Variants in SGCZ observed in about 807,000 individuals in gnomAD.
SGCZ encodes the protein zeta-sarcoglycan.
SGCZ carries 40 observed loss-of-function variants against 41.3 expected under a neutral mutation model. That is an observed-to-expected ratio of 0.97 (90% confidence interval 0.75 to 1.26). SGCZ has a LOEUF of 1.26. Ranked by LOEUF, SGCZ falls within the 50% of genes most tolerant of loss-of-function variation. The pLI, the probability that SGCZ is intolerant of heterozygous loss-of-function variation, is 0.00. For synonymous variants in SGCZ, 206 were observed against 137.5 expected, an observed-to-expected ratio of 1.50 and a Z score of -3.49; for missense variants, 552 against 369.8, an observed-to-expected ratio of 1.49 and a Z score of -4.04.
At chr8:14,353,156 T>C (rs1376890682) in intron 2 of SGCZ, among the ~76,000 whole-genome samples, 1 of 149,392 alleles carries the variant, frequency 6.7e-6, no homozygotes, top group African/African-American at 2.6e-5. Flanking sequence ...CTAAGTTTCT[T>C]CATTTGCAAA....
At chr8:14,241,620 G>T (rs1481612395) in intron 3 of SGCZ, among the ~76,000 whole-genome samples, 1 of 151,044 alleles carries the variant, frequency 6.6e-6, no homozygotes, top group African/African-American at 2.4e-5. Context: ...TCCTATAACA[G>T]AAATAAGGTA....
intron 1 of SGCZ, among the ~76,000 whole-genome samples, chr8:14,868,571 G>A (rs530875002): frequency 3.0e-4 from 46 of 152,220 alleles, no homozygotes; most frequent in Admixed American, 1.2e-3. Flanking sequence ...TCTGGAGAGA[G>A]TAATTGAATT....
At chr8:15,135,589 G>A (rs1488024281) in intron 1 of SGCZ, among the ~76,000 whole-genome samples, 1 of 152,208 alleles carries the variant, frequency 6.6e-6, no homozygotes, top group Non-Finnish European at 1.5e-5. Flanking sequence ...TGTCTTTACA[G>A]AGTAAGCAGT....
chr8:14,660,887 G>A (rs1012407002), intron 1 of SGCZ, among the ~76,000 whole-genome samples: 32 of 151,814 alleles, frequency 2.1e-4, no homozygotes, highest in African/African-American at 7.7e-4. Context: ...TTATATAGAG[G>A]TCTTACCTGA....
intron 1 of SGCZ, among the ~76,000 whole-genome samples, chr8:14,571,938 T>A (rs1008437589): frequency 6.6e-6 from 1 of 152,162 alleles, no homozygotes; most frequent in African/African-American, 2.4e-5. Flanking sequence ...CACATTACTA[T>A]AGAAAAGGTA....
chr8:14,765,803 CAACT>C (rs1190859765), intron 1 of SGCZ, among the ~76,000 whole-genome samples: 4 of 152,074 alleles, frequency 2.6e-5, no homozygotes, highest in Admixed American at 6.6e-5. Flanking sequence ...GTAAAAATCC[CAACT>C]ATCACACAGC....
chr8:15,029,967 A>G (rs557934879), intron 1 of SGCZ, among the ~76,000 whole-genome samples: 2 of 152,194 alleles, frequency 1.3e-5, no homozygotes, highest in South Asian at 4.1e-4. Context: ...CATACACTTA[A>G]TTCAACAAAA....
At chr8:14,272,985 TAAAC>T (rs977698090) in intron 3 of SGCZ, among the ~76,000 whole-genome samples, 33 of 152,120 alleles carry the variant, frequency 2.2e-4, no homozygotes, top group East Asian at 5.8e-4. Flanking sequence ...GAATTAGAAA[TAAAC>T]AAAGTTACAT....
intron 1 of SGCZ, among the ~76,000 whole-genome samples, chr8:14,599,138 A>G (rs1197534283): frequency 1.3e-5 from 2 of 152,126 alleles, no homozygotes; most frequent in African/African-American, 4.8e-5. Context: ...CCGTACATCA[A>G]TTTCAGACAT....
At chr8:14,769,323 A>G (rs560050811) in intron 1 of SGCZ, among the ~76,000 whole-genome samples, 1 of 152,310 alleles carries the variant, frequency 6.6e-6, no homozygotes, top group South Asian at 2.1e-4. Flanking sequence ...GCAAATAAAC[A>G]ATTTATTATG....
chr8:14,739,091 T>C (rs976954248), intron 1 of SGCZ, among the ~76,000 whole-genome samples: 10 of 152,050 alleles, frequency 6.6e-5, no homozygotes, highest in Non-Finnish European at 1.5e-4. Flanking sequence ...AATACCTATA[T>C]GTTGTTAATT....
chr8:14,592,319 C>T (rs915385914), intron 1 of SGCZ, among the ~76,000 whole-genome samples: 2 of 152,102 alleles, frequency 1.3e-5, no homozygotes, highest in Non-Finnish European at 2.9e-5. Flanking sequence ...TAGATTGCTG[C>T]TTGCTCATAA....
intron 2 of SGCZ, among the ~76,000 whole-genome samples, chr8:14,339,309 C>A (rs1802616432): frequency 6.6e-6 from 1 of 152,154 alleles, no homozygotes; most frequent in African/African-American, 2.4e-5. Flanking sequence ...AGAAAGAACA[C>A]CTCTTCTCTA....
intron 1 of SGCZ, among the ~76,000 whole-genome samples, chr8:15,235,495 C>T (rs913086483): frequency 4.6e-5 from 7 of 152,182 alleles, no homozygotes; most frequent in African/African-American, 1.7e-4. Flanking sequence ...AATATACCCC[C>T]TCATGCCCAA....
At chr8:14,687,953 G>C (rs1016378359) in intron 1 of SGCZ, among the ~76,000 whole-genome samples, 7 of 152,184 alleles carry the variant, frequency 4.6e-5, no homozygotes, top group Non-Finnish European at 1.0e-4. Context: ...CTGTAATGGT[G>C]AGCATTTTTT....
At chr8:14,357,381 G>T (rs1468791146) in intron 2 of SGCZ, among the ~76,000 whole-genome samples, 1 of 151,950 alleles carries the variant, frequency 6.6e-6, no homozygotes, top group African/African-American at 2.4e-5. Flanking sequence ...TGTTATTTTT[G>T]ACTGAAAATT....
At chr8:14,466,812 T>A (rs1801063464) in intron 2 of SGCZ, among the ~76,000 whole-genome samples, 1 of 151,828 alleles carries the variant, frequency 6.6e-6, no homozygotes. Flanking sequence ...TTCTTTTAGG[T>A]TTCTATATTT....
chr8:14,340,473 G>T (rs1475522299), intron 2 of SGCZ, among the ~76,000 whole-genome samples: 1 of 152,050 alleles, frequency 6.6e-6, no homozygotes. Flanking sequence ...TCACTGGTTT[G>T]CTGAATACTC....
At chr8:14,956,116 T>C (rs1374299977) in intron 1 of SGCZ, among the ~76,000 whole-genome samples, 1 of 148,722 alleles carries the variant, frequency 6.7e-6, no homozygotes, top group Non-Finnish European at 1.5e-5. Context: ...CTCTGCTCAC[T>C]GCAACCTCCA....
Sources: gnomAD v4.1 joint callset for allele counts (sites outside exome capture counted in the v4.1 genomes callset) on GRCh38, gnomAD v4.1.1 for gene constraint, MANE v1.5 for transcripts, NCBI Gene and HGNC (gene_info 2026-07-23, HGNC 2026-07-21) for gene names.